MED12L: variants seen among roughly 807,000 people sequenced by gnomAD.
The protein encoded by MED12L is mediator complex subunit 12L.
MED12L carries 60 observed loss-of-function variants against 281.3 expected under a neutral mutation model. The observed-to-expected ratio is 0.21, with a 90% CI of 0.17 to 0.26. The LOEUF (loss-of-function observed/expected upper bound fraction) is 0.26. MED12L is among the 10% of genes least tolerant of loss of function. The pLI is 1.00. For synonymous variants in MED12L, 974 were observed against 987.2 expected, an observed-to-expected ratio of 0.99 and a Z score of 0.25; for missense variants, 2,146 against 2,680.9, an observed-to-expected ratio of 0.80 and a Z score of 4.41.
intron 16 of MED12L, among the ~76,000 whole-genome samples, chr3:151,259,862 C>G (rs915155947): frequency 6.6e-6 from 1 of 152,226 alleles, no homozygotes; most frequent in Non-Finnish European, 1.5e-5. Context: ...CTGATTCCTT[C>G]ATGACGTCTC....
At chr3:151,137,212 C>T (rs1716281097) in intron 5 of MED12L, among the ~76,000 whole-genome samples, 1 of 149,672 alleles carries the variant, frequency 6.7e-6, no homozygotes. Flanking sequence ...TATTTTTGAT[C>T]ATTGTTATGG....
At chr3:151,276,214 C>T (rs1741828100) in intron 16 of MED12L, among the ~76,000 whole-genome samples, 1 of 152,226 alleles carries the variant, frequency 6.6e-6, no homozygotes, top group Non-Finnish European at 1.5e-5. Flanking sequence ...TGCTGGGCTC[C>T]ACCCCCATTG....
intron 16 of MED12L, among the ~76,000 whole-genome samples, chr3:151,303,422 T>C (rs902054924): frequency 1.3e-5 from 2 of 151,460 alleles, no homozygotes; most frequent in African/African-American, 2.4e-5. Context: ...CAATAGAAAA[T>C]AGGTGATAGA....
Position 151,368,153 on chromosome 3 carries a change from G to T in MED12L, c.3452G>T (p.Cys1151Phe), listed in dbSNP as rs773986397. 1 of 1,613,758 alleles carries T rather than the reference G, an allele frequency of 6.2e-7. No individual in the cohort carries two copies. The highest frequency in any genetic ancestry group is 1.3e-5 in the African/African-American group (1 of 75,002). ...TTTTCCAATCCCCCTTTCCTAGCTT[G>T]TGGGGATGCGGACGCCGAGCCTGGG... ...VALPSLLAAA[C>F]GDADAEPGAR... Residue 1151 changes from cysteine to phenylalanine, a missense_variant, in exon 25 of 45, where the codon TGT becomes TTT. Coordinates refer to ENST00000687756, the MANE Select transcript of MED12L (RefSeq NM_001393769.1).
intron 16 of MED12L, among the ~76,000 whole-genome samples, chr3:151,199,817 A>G (rs534710355): frequency 7.9e-5 from 12 of 152,244 alleles, no homozygotes; most frequent in East Asian, 1.9e-4. Flanking sequence ...AGAGCTTTCA[A>G]TGAGGCCTTC....
intron 16 of MED12L, among the ~76,000 whole-genome samples, chr3:151,283,472 C>T (rs550083540): frequency 1.2e-4 from 19 of 152,122 alleles, no homozygotes; most frequent in Non-Finnish European, 2.6e-4. Context: ...TCTTTTTCAC[C>T]TTGAGGTCTC....
At chr3:151,257,312 T>G (rs1453900456) in intron 16 of MED12L, among the ~76,000 whole-genome samples, 1 of 152,268 alleles carries the variant, frequency 6.6e-6, no homozygotes, top group East Asian at 1.9e-4. Flanking sequence ...TATTAATCTC[T>G]TAGACAGTTG....
chr3:151,246,811 A>G (rs1000245847), intron 16 of MED12L, among the ~76,000 whole-genome samples: 2 of 152,252 alleles, frequency 1.3e-5, no homozygotes, highest in Non-Finnish European at 2.9e-5. Flanking sequence ...AGCAAAAGAT[A>G]CTACCATCAG....
At position 151,430,861 on chromosome 3, in the gene MED12L, C is replaced by T. The variant is rs549967978; in HGVS notation, c.6490+481C>T. ...TCTGATAGTGACTCATAAATCAAAACCTATAACATCATACACAGCATGATC... is the reference window on the plus strand; with the variant it reads ...TCTGATAGTGACTCATAAATCAAAATCTATAACATCATACACAGCATGATC... On this transcript the variant is annotated intron_variant, in intron 44 of 44. Coordinates refer to ENST00000687756, the MANE Select transcript of MED12L (RefSeq NM_001393769.1). Among the ~76,000 whole-genome samples, 92 of 150,056 alleles carry T rather than the reference C, an allele frequency of 6.1e-4. 1 individual carries two copies. The highest frequency in any genetic ancestry group is 2.0e-3 in the African/African-American group (82 of 40,672).
intron 16 of MED12L, among the ~76,000 whole-genome samples, chr3:151,303,826 T>G (rs941685021): frequency 6.6e-6 from 1 of 152,090 alleles, no homozygotes; most frequent in African/African-American, 2.4e-5. Context: ...AGAGAGCTAA[T>G]GTAGACTTTT....
chr3:151,350,396 A>G (rs577587685), intron 17 of MED12L, among the ~76,000 whole-genome samples, 190 bp downstream of exon 17: 1 of 152,204 alleles, frequency 6.6e-6, no homozygotes, highest in South Asian at 2.1e-4. Context: ...CCCTTGTATT[A>G]AAATATTAAT....
At chr3:151,141,187 G>GTTTTTTTTTTTTTTGTTTTTTTTTT (rs76965310) in intron 5 of MED12L, among the ~76,000 whole-genome samples, 1 of 99,122 alleles carries the variant, frequency 1.0e-5, no homozygotes, top group African/African-American at 4.8e-5. Flanking sequence ...TGTTTTTTTT[G>GTTTTTTTTTTTTTTGTTTTTTTTTT]TTTTTTTTTT....
chr3:151,141,187 G>GTTTTTTTGCTTTT lies in MED12L; in HGVS notation c.556+13210_556+13211insGCTTTTTTTTTTT, dbSNP rs376743895. 1.1e-4 allele frequency among the ~76,000 whole-genome samples: 11 copies of GTTTTTTTGCTTTT among 99,104 alleles called. 1 individual carries two copies. The highest frequency in any genetic ancestry group is 5.2e-4 in the African/African-American group (11 of 20,972). 65.0% of individuals were successfully genotyped at this position (99,104 alleles called of 152,430 possible). On this transcript the variant is annotated intron_variant, in intron 5 of 44. Coordinates refer to ENST00000687756, the MANE Select transcript of MED12L (RefSeq NM_001393769.1). ...TGGCGTTTTTTTTTTTGTTTTTTTT[G>GTTTTTTTGCTTTT]TTTTTTTTTTTTTGTTAGTAGAGAC...
chr3:151,436,598 C>G lies in MED12L; in HGVS notation c.*3794C>G. ...GTAAATTTAATACTGTAAATGTATTCAAATTCATTTACATGCCTATGGCTG... is the reference window on the plus strand; with the variant it reads ...GTAAATTTAATACTGTAAATGTATTGAAATTCATTTACATGCCTATGGCTG... On this transcript the variant is annotated 3_prime_UTR_variant, in exon 45 of 45. Coordinates refer to ENST00000687756, the MANE Select transcript of MED12L (RefSeq NM_001393769.1). The G allele has an allele frequency of 2.3e-6, 2 of 859,142 alleles. No homozygotes were observed. Among genetic ancestry groups the G allele is most frequent in the Non-Finnish European group, 3.7e-6 (2 of 545,434 alleles). The allele number at this position is 859,142 out of a possible 1,614,324, so 53.2% of individuals were successfully genotyped here.
intron 2 of MED12L, among the ~76,000 whole-genome samples, chr3:151,109,997 A>G (rs1271662886): frequency 6.6e-6 from 1 of 152,166 alleles, no homozygotes; most frequent in Non-Finnish European, 1.5e-5. Context: ...TGGAAGTTCT[A>G]TTATAAGAAC....
intron 38 of MED12L, among the ~76,000 whole-genome samples, chr3:151,392,479 A>G (rs1473090174): frequency 2.7e-5 from 4 of 148,760 alleles, no homozygotes; most frequent in African/African-American, 5.0e-5. Context: ...AAAAAAAAAA[A>G]AAAAAAAAAA....
At chr3:151,424,014 T>G (rs1718571712) in intron 43 of MED12L, among the ~76,000 whole-genome samples, 1 of 152,236 alleles carries the variant, frequency 6.6e-6, no homozygotes, top group Non-Finnish European at 1.5e-5. Context: ...AAATTGTCCT[T>G]GACTCTTCCT....
intron 16 of MED12L, among the ~76,000 whole-genome samples, chr3:151,342,620 T>C (rs1199882317): frequency 1.3e-5 from 2 of 152,220 alleles, no homozygotes; most frequent in Non-Finnish European, 2.9e-5. Flanking sequence ...ATAAGAATTT[T>C]GTTGCCATTT....
At chr3:151,333,203 A>G (rs529905850) in intron 16 of MED12L, among the ~76,000 whole-genome samples, 12 of 152,318 alleles carry the variant, frequency 7.9e-5, no homozygotes, top group Non-Finnish European at 1.6e-4. Flanking sequence ...GCTGTGATGA[A>G]CACACACATG....
Sources: allele counts gnomAD v4.1 joint callset (sites outside exome capture counted in the v4.1 genomes callset), GRCh38; gene constraint gnomAD v4.1.1; transcripts MANE v1.5; gene names NCBI Gene and HGNC (gene_info 2026-07-23, HGNC 2026-07-21).